The following MRAP2 variants were observed in gnomAD, a reference collection of about 807,000 sequenced individuals.
MRAP2 encodes melanocortin 2 receptor accessory protein 2, also known as melanocortin-2 receptor accessory protein 2.
In MRAP2, 20 loss-of-function variants were observed where a neutral mutation model predicts 17.4. That is an observed-to-expected ratio of 1.15 (90% CI 0.81 to 1.67). The LOEUF (loss-of-function observed/expected upper bound fraction) is 1.67, where lower values mean the gene tolerates loss of function less well. Among genes scored for constraint, MRAP2 ranks in the 40% most tolerant of loss-of-function variants. The pLI, the probability that MRAP2 is intolerant of heterozygous loss-of-function variation, is 0.00. For missense variants in MRAP2, 238 were observed against 240.0 expected (o/e 0.99, Z 0.05); for synonymous variants, 96 against 88.4 (o/e 1.09, Z -0.48).
In MRAP2 at chr6:84,089,232, G is replaced by C. The variant is rs138600539; in HGVS notation, c.369G>C (p.Val123=). The C allele has an allele frequency of 5.0e-6, 8 of 1,614,202 alleles. No individual in the cohort carries two copies. The highest frequency in any genetic ancestry group is 6.8e-6 in the Non-Finnish European group (8 of 1,180,038). The change falls in exon 4 of 4, where the codon GTG becomes GTC. Residue 123 remains valine, a synonymous_variant. Transcript: ENST00000257776. The stretch of plus-strand genomic sequence containing the variant: ...TCTTTCACTGCTACATCAATGAGGT[G>C]GAACGCTTGGACAGAGCCAAAGCTT... ...RSLFHCYINE[V]ERLDRAKACH...
the MRAP2 span, among the ~76,000 whole-genome samples, chr6:84,132,714 C>CT: frequency 6.6e-6 from 1 of 152,150 alleles, no homozygotes; most frequent in Non-Finnish European, 1.5e-5. Flanking sequence ...AAGGTCTTCT[C>CT]TATGCTGTTT....
chr6:84,141,401 C>T, the MRAP2 span, among the ~76,000 whole-genome samples: 21 of 152,236 alleles, frequency 1.4e-4, no homozygotes, highest in African/African-American at 3.9e-4. Context: ...TTAAGACCAA[C>T]GTTAACATCT....
intron 3 of MRAP2, chr6:84,063,291 GTATTT>G (rs1415568500): frequency 1.0e-6 from 1 of 984,926 alleles, no homozygotes; most frequent in Non-Finnish European, 1.2e-6. Context: ...TAATTACAAT[GTATTT>G]TATTCATATT....
rs113841938 is a variant in MRAP2, at chr6:84,064,975, G to A, written c.227+1983G>A. Among the ~76,000 whole-genome samples the A allele has an allele frequency of 9.9e-3, 1,505 of 152,250 alleles. 15 individuals are homozygous for A. The highest frequency in any genetic ancestry group is 0.024 in the Middle Eastern group (7 of 294). ...ATCACTCAGCTATTTCTAGATATCA[G>A]GGGCTAGGAAGAAAAAAATGTAAAC... On this transcript the variant is annotated intron_variant, in intron 3 of 3. Coordinates refer to ENST00000257776, the MANE Select transcript of MRAP2 (RefSeq NM_138409.4).
intron 2 of MRAP2, 60 bp downstream of exon 2, chr6:84,055,505 C>A: frequency 6.6e-7 from 1 of 1,515,328 alleles, no homozygotes; most frequent in Non-Finnish European, 9.1e-7. Context: ...CCTGTGAAAT[C>A]CCCAAGGATT....
At chr6:84,141,175 A>G in the MRAP2 span, among the ~76,000 whole-genome samples, 1 of 152,170 alleles carries the variant, frequency 6.6e-6, no homozygotes, top group Non-Finnish European at 1.5e-5. Flanking sequence ...TTTGTGGCCC[A>G]GGGTTGGGGA....
At chr6:84,130,474 A>AC in the MRAP2 span, among the ~76,000 whole-genome samples, 3 of 152,110 alleles carry the variant, frequency 2.0e-5, no homozygotes, top group African/African-American at 7.2e-5. Context: ...TCGGCTGTGC[A>AC]CCCATCCAGT....
chr6:84,123,971 C>T, the MRAP2 span, among the ~76,000 whole-genome samples: 5 of 152,182 alleles, frequency 3.3e-5, no homozygotes, highest in East Asian at 7.7e-4. Flanking sequence ...AAGTGGTCAA[C>T]GTCACTAATC....
chr6:84,039,150 C>G (rs1343959749), intron 1 of MRAP2, among the ~76,000 whole-genome samples: 1 of 152,192 alleles, frequency 6.6e-6, no homozygotes, highest in East Asian at 1.9e-4. Context: ...ACAATAAATA[C>G]TTGAAAGAAA....
At chr6:84,130,573 C>G in the MRAP2 span, among the ~76,000 whole-genome samples, 18 of 152,166 alleles carry the variant, frequency 1.2e-4, no homozygotes, top group South Asian at 3.7e-3. Flanking sequence ...ACTTCTTCCT[C>G]GTTTAGACTT....
the MRAP2 span, among the ~76,000 whole-genome samples, chr6:84,142,899 T>C: frequency 6.6e-6 from 1 of 152,082 alleles, no homozygotes; most frequent in African/African-American, 2.4e-5. Context: ...TAAAAATAGT[T>C]AACAGTAAAA....
intron 1 of MRAP2, among the ~76,000 whole-genome samples, chr6:84,054,161 T>G (rs1167324275): frequency 6.6e-6 from 1 of 152,168 alleles, no homozygotes; most frequent in Non-Finnish European, 1.5e-5. Flanking sequence ...TCATTCAGAT[T>G]TTCCCTTATG....
chr6:84,095,082 T>C (rs2129177901), downstream of MRAP2, among the ~76,000 whole-genome samples: 1 of 152,328 alleles, frequency 6.6e-6, no homozygotes, highest in South Asian at 2.1e-4. Context: ...TGCCTCCAGG[T>C]CTCACAGTGT....
the MRAP2 span, among the ~76,000 whole-genome samples, chr6:84,134,923 C>A: frequency 3.6e-5 from 1 of 27,808 alleles, no homozygotes; most frequent in African/African-American, 9.0e-5. Context: ...CATATATACA[C>A]ACACACACAC....
At chr6:84,114,702 T>A in the MRAP2 span, among the ~76,000 whole-genome samples, 4 of 152,206 alleles carry the variant, frequency 2.6e-5, no homozygotes, top group African/African-American at 9.6e-5. Flanking sequence ...TCTCCCCATC[T>A]TTGTGGATTT....
intron 3 of MRAP2, among the ~76,000 whole-genome samples, chr6:84,084,937 T>C (rs62418855): frequency 0.041 from 5,478 of 133,222 alleles, 227 homozygotes; most frequent in African/African-American, 0.12. Flanking sequence ...TTTTACTTTA[T>C]TTTATTTTAT....
intron 1 of MRAP2, among the ~76,000 whole-genome samples, chr6:84,043,056 G>A (rs543372009): frequency 3.3e-5 from 5 of 152,286 alleles, no homozygotes; most frequent in African/African-American, 1.2e-4. Flanking sequence ...AGTCTTGTTT[G>A]GCAAGTCATC....
chr6:84,049,483 A>G (rs1175809783), intron 1 of MRAP2, among the ~76,000 whole-genome samples: 2 of 152,136 alleles, frequency 1.3e-5, no homozygotes, highest in Admixed American at 1.3e-4. Context: ...AAAACTTACT[A>G]GCCTGTTTAC....
chr6:84,117,165 G>A, the MRAP2 span, among the ~76,000 whole-genome samples: 1 of 152,062 alleles, frequency 6.6e-6, no homozygotes, highest in Admixed American at 6.5e-5. Flanking sequence ...TGGTATTACA[G>A]GAGAGCACCA....
Sources: gnomAD v4.1 joint callset for allele counts (sites outside exome capture counted in the v4.1 genomes callset) on GRCh38, gnomAD v4.1.1 for gene constraint, MANE v1.5 for transcripts, NCBI Gene and HGNC (gene_info 2026-07-23, HGNC 2026-07-21) for gene names.